Variants in SVOPL observed in about 807,000 individuals in gnomAD.
The protein encoded by SVOPL is SVOP like, also known as putative transporter SVOPL.
Under a neutral mutation model 61.0 loss-of-function variants are expected in SVOPL, and 60 were observed. That is an observed-to-expected ratio of 0.98 (90% CI 0.80 to 1.22). The LOEUF is 1.22. Among genes scored for constraint, SVOPL ranks in the 50% most tolerant of loss-of-function variants. SVOPL has a pLI of 0.00. For synonymous variants in SVOPL, 279 were observed against 250.0 expected, an observed-to-expected ratio of 1.12 and a Z score of -1.09; for missense variants, 662 against 643.9, an observed-to-expected ratio of 1.03 and a Z score of -0.30.
chr7:138,661,921 G>C (rs1024724343), intron 5 of SVOPL: 21 of 985,330 alleles, frequency 2.1e-5, no homozygotes, highest in Non-Finnish European at 2.3e-5. Flanking sequence ...GCAAGGTTCA[G>C]AGCAACACCA....
Position 138,617,932 on chromosome 7 carries a change from T to C in SVOPL, c.1353+3114A>G, listed in dbSNP as rs185416636. On this transcript the variant is annotated intron_variant, in intron 14 of 15. Transcript: ENST00000674285. Reference sequence around the variant, plus strand: ...AGGATCTGTGATCAAGTTACCCTAGTAATTCTGAGAAGCACTAAAGTTTGA... The same window carrying C: ...AGGATCTGTGATCAAGTTACCCTAGCAATTCTGAGAAGCACTAAAGTTTGA... 2.2e-3 allele frequency among the ~76,000 whole-genome samples: 336 copies of C among 152,282 alleles called. 1 individual carries two copies. The highest frequency in any genetic ancestry group is 7.8e-3 in the African/African-American group (322 of 41,544).
intron 1 of SVOPL, among the ~76,000 whole-genome samples, chr7:138,687,462 C>T (rs147444276): frequency 6.6e-6 from 1 of 151,656 alleles, no homozygotes; most frequent in African/African-American, 2.4e-5. Context: ...TCTCAAACTC[C>T]TGACCTCAGG....
intron 14 of SVOPL, among the ~76,000 whole-genome samples, chr7:138,600,393 G>C (rs1220238222): frequency 6.6e-6 from 1 of 152,170 alleles, no homozygotes; most frequent in Non-Finnish European, 1.5e-5. Context: ...CTAGAGCCCA[G>C]GAGTTCATGA....
rs879287399 is a variant in SVOPL, at chr7:138,621,846, GTATCTATC to G, written c.1264-719_1264-712del. On this transcript the variant is annotated intron_variant, in intron 13 of 15. Transcript: ENST00000674285. Reference sequence around the variant, plus strand: ...TGTATCTATGTATCTATCTATCTATGTATCTATCTATCTATCTATCTATCTATCTATCT... The same window carrying G: ...TGTATCTATGTATCTATCTATCTATGTATCTATCTATCTATCTATCTATCT... Among the ~76,000 whole-genome samples, 260 of 59,126 alleles carry G rather than the reference GTATCTATC, an allele frequency of 4.4e-3. 10 individuals carry two copies. Among genetic ancestry groups the G allele is most frequent in the African/African-American group, 0.016 (237 of 14,770 alleles). The allele number at this position is 59,126 out of a possible 152,430, so 38.8% of individuals were successfully genotyped here.
intron 9 of SVOPL, among the ~76,000 whole-genome samples, chr7:138,632,602 T>G (rs1394174627): frequency 4.2e-5 from 6 of 142,830 alleles, no homozygotes; most frequent in African/African-American, 1.1e-4. Flanking sequence ...GAGGGAGAGG[T>G]GAGGTAGGAG....
At chr7:138,642,287 CAAAA>C (rs79469915) in intron 9 of SVOPL, among the ~76,000 whole-genome samples, 33 of 111,632 alleles carry the variant, frequency 3.0e-4, no homozygotes, top group Non-Finnish European at 4.3e-4. Context: ...GGAAATTAGC[CAAAA>C]AAAAAAAAAA....
At chr7:138,663,683 T>G (rs1802111697) in intron 4 of SVOPL, 1 of 838,440 alleles carries the variant, frequency 1.2e-6, no homozygotes, top group Admixed American at 6.2e-5. Flanking sequence ...TTCAAGGACC[T>G]GGGATTTGAC....
intron 1 of SVOPL, among the ~76,000 whole-genome samples, chr7:138,688,332 T>C (rs1252193938): frequency 6.6e-6 from 1 of 151,998 alleles, no homozygotes; most frequent in Non-Finnish European, 1.5e-5. Flanking sequence ...TGCAGTGGCA[T>C]GTTCCTGGCT....
In SVOPL at chr7:138,612,847, C is replaced by T. The variant is rs114009496; in HGVS notation, c.1353+8199G>A. 4.2e-3 allele frequency among the ~76,000 whole-genome samples: 639 copies of T among 151,310 alleles called. 7 individuals are homozygous for T. The highest frequency in any genetic ancestry group is 0.015 in the African/African-American group (608 of 41,208). On this transcript the variant is annotated intron_variant, in intron 14 of 15. Coordinates refer to ENST00000674285, the MANE Select transcript of SVOPL (RefSeq NM_001139456.2). ...TAAATTTTTTACGCAGTCAGGTTTACCATGTTTTCCTATATCTTTATACTA... is the reference window on the plus strand; with the variant it reads ...TAAATTTTTTACGCAGTCAGGTTTATCATGTTTTCCTATATCTTTATACTA...
intron 7 of SVOPL, among the ~76,000 whole-genome samples, chr7:138,652,155 G>A (rs148743769): frequency 2.9e-4 from 44 of 152,042 alleles, no homozygotes; most frequent in African/African-American, 9.6e-4. Context: ...AGGTTCAAGC[G>A]ATTCTCCTGC....
chr7:138,648,486 G>C (rs1801236949), intron 8 of SVOPL, among the ~76,000 whole-genome samples: 1 of 147,664 alleles, frequency 6.8e-6, no homozygotes, highest in South Asian at 2.2e-4. Context: ...TGGATCATGA[G>C]GTCAGGAGAT....
At chr7:138,670,318 G>T (rs1802383432) in intron 4 of SVOPL, among the ~76,000 whole-genome samples, 1 of 152,070 alleles carries the variant, frequency 6.6e-6, no homozygotes, top group African/African-American at 2.4e-5. Context: ...TAAGATATAG[G>T]CTTAAAGGAT....
At chr7:138,611,845 A>C (rs1169176360) in intron 14 of SVOPL, among the ~76,000 whole-genome samples, 8 of 67,998 alleles carry the variant, frequency 1.2e-4, no homozygotes, top group Non-Finnish European at 1.8e-4. Context: ...TGGCCTCCCA[A>C]AGTGCCGAGA....
chr7:138,646,853 A>T (rs1663537884), intron 8 of SVOPL, among the ~76,000 whole-genome samples: 1 of 152,162 alleles, frequency 6.6e-6, no homozygotes, highest in Non-Finnish European at 1.5e-5. Flanking sequence ...ACAGAGGCAG[A>T]CAATCTGCCC....
At chr7:138,675,139 G>A (rs941731377) in intron 3 of SVOPL, among the ~76,000 whole-genome samples, 1 of 151,016 alleles carries the variant, frequency 6.6e-6, no homozygotes, top group Non-Finnish European at 1.5e-5. Flanking sequence ...TGGTGGCTAA[G>A]CCTATAATCC....
chr7:138,659,085 C>G (rs34089083), intron 6 of SVOPL, among the ~76,000 whole-genome samples: 2 of 152,250 alleles, frequency 1.3e-5, no homozygotes, highest in East Asian at 3.9e-4. Context: ...TTCTCTGAAG[C>G]TGGCTACCTG....
chr7:138,645,997 G>A (rs113638077), intron 8 of SVOPL: 9,421 of 157,836 alleles, frequency 0.06, 811 homozygotes, highest in African/African-American at 0.19. Context: ...TGTATTTTTA[G>A]TAGAGATGGG....
At position 138,622,250 on chromosome 7, in the gene SVOPL, CTATGTATCTATCTATCTATG is replaced by C. The variant is rs1563096763; in HGVS notation, c.1264-1135_1264-1116del. On this transcript the variant is annotated intron_variant, in intron 13 of 15. Transcript: ENST00000674285. ...TCTATCTATGTATCTATCTATCTAT[CTATGTATCTATCTATCTATG>C]TATCTATCTATCTATCTATCTATCT... Among the ~76,000 whole-genome samples, 168 of 73,400 alleles carry C rather than the reference CTATGTATCTATCTATCTATG, an allele frequency of 2.3e-3. 3 individuals are homozygous for C. Among genetic ancestry groups the C allele is most frequent in the South Asian group, 8.8e-3 (23 of 2,600 alleles). The allele number at this position is 73,400 out of a possible 152,430, so 48.2% of individuals were successfully genotyped here.
Position 138,644,810 on chromosome 7 carries a change from A to G in SVOPL, c.696T>C (p.Thr232=). The change falls in exon 9 of 16, where the codon ACT becomes ACC. Residue 232 remains threonine, a synonymous_variant. Coordinates refer to ENST00000674285, the MANE Select transcript of SVOPL (RefSeq NM_001139456.2). The stretch of plus-strand genomic sequence containing the variant: ...TGGCCAGGGCAGCCCGAGTGTTCCC[A>G]GTGGAGACATTGAACCGGGCAGATT... ...IPESARFNVS[T]GNTRAALATL... is the part of the protein sequence containing the mutation. 6.2e-7 allele frequency: 1 copy of G among 1,614,178 alleles called. No individual in the cohort carries two copies. Among genetic ancestry groups the G allele is most frequent in the Non-Finnish European group, 8.5e-7 (1 of 1,180,042 alleles).
Sources: allele counts gnomAD v4.1 joint callset (sites outside exome capture counted in the v4.1 genomes callset), GRCh38; gene constraint gnomAD v4.1.1; transcripts MANE v1.5; gene names NCBI Gene and HGNC (gene_info 2026-07-23, HGNC 2026-07-21).